The following PIK3C2G variants were observed in gnomAD, a reference collection of about 807,000 sequenced individuals.
PIK3C2G encodes phosphatidylinositol 3-kinase C2 domain-containing subunit gamma.
In PIK3C2G, 168 loss-of-function variants were observed where a neutral mutation model predicts 181.1. The ratio of observed to expected loss-of-function variants is 0.93; its 90% CI spans 0.82 to 1.05. The LOEUF (loss-of-function observed/expected upper bound fraction) is 1.05. Ranked by LOEUF, PIK3C2G falls within the 50% of genes least tolerant of loss-of-function variation. The pLI, the probability that PIK3C2G is intolerant of heterozygous loss-of-function variation, is 0.00. For missense variants in PIK3C2G, 1,869 were observed against 1,732.8 expected (o/e 1.08, Z -1.40); for synonymous variants, 573 against 592.2 (o/e 0.97, Z 0.47).
chr12:18,461,105 T>G (rs1947898204), intron 18 of PIK3C2G, among the ~76,000 whole-genome samples: 2 of 152,068 alleles, frequency 1.3e-5, no homozygotes, highest in Non-Finnish European at 2.9e-5. Context: ...GCGTGGTATT[T>G]TATATATATA....
intron 8 of PIK3C2G, among the ~76,000 whole-genome samples, chr12:18,332,307 C>T (rs78707642): frequency 0.044 from 6,750 of 152,080 alleles, 521 homozygotes; most frequent in African/African-American, 0.15. Context: ...ACTCTCCCAG[C>T]GGTACTCCAC....
At chr12:18,318,338 C>T (rs1466570428) in intron 6 of PIK3C2G, among the ~76,000 whole-genome samples, 2 of 152,060 alleles carry the variant, frequency 1.3e-5, no homozygotes, top group Non-Finnish European at 2.9e-5. Context: ...TATTGATTAA[C>T]TTAATATAAC....
chr12:18,259,886 T>C (rs1193481461), upstream of PIK3C2G, among the ~76,000 whole-genome samples: 1 of 152,104 alleles, frequency 6.6e-6, no homozygotes, highest in East Asian at 1.9e-4. Flanking sequence ...ATTTTAGACA[T>C]AGGACATAGC....
At chr12:18,527,148 T>C (rs1456981490) in intron 24 of PIK3C2G, among the ~76,000 whole-genome samples, 1 of 152,096 alleles carries the variant, frequency 6.6e-6, no homozygotes, top group Non-Finnish European at 1.5e-5. Context: ...AAAGCAAGCA[T>C]AAGATGGAAG....
chr12:18,690,233 GT>G, the PIK3C2G span, among the ~76,000 whole-genome samples: 1 of 152,068 alleles, frequency 6.6e-6, no homozygotes, highest in African/African-American at 2.4e-5. Context: ...TTGTTTGTTT[GT>G]TTCTTTGAGA....
chr12:18,631,431 T>C (rs1949345697), intron 31 of PIK3C2G, among the ~76,000 whole-genome samples: 1 of 152,160 alleles, frequency 6.6e-6, no homozygotes, highest in African/African-American at 2.4e-5. Context: ...GAGTGTTACT[T>C]AATGCTGGGA....
intron 6 of PIK3C2G, chr12:18,320,230 A>G (rs1951046576): frequency 6.6e-6 from 1 of 152,164 alleles, no homozygotes; most frequent in Non-Finnish European, 1.5e-5. Context: ...GAAATAGTGC[A>G]ATTATGTTGA....
chr12:18,454,695 T>G (rs542701180), intron 18 of PIK3C2G, among the ~76,000 whole-genome samples: 6 of 152,220 alleles, frequency 3.9e-5, no homozygotes, highest in Admixed American at 2.6e-4. Flanking sequence ...GCTGAGAAAT[T>G]TTATTGCATT....
intron 24 of PIK3C2G, among the ~76,000 whole-genome samples, chr12:18,516,210 T>C (rs769767600): frequency 1.7e-4 from 26 of 151,680 alleles, no homozygotes; most frequent in Non-Finnish European, 2.9e-4. Flanking sequence ...TCTTTGTCTC[T>C]CCATGATGTT....
chr12:18,491,592 T>C (rs373613848), intron 20 of PIK3C2G, 34 bp downstream of exon 20: 67 of 1,226,668 alleles, frequency 5.5e-5, no homozygotes, highest in Non-Finnish European at 7.4e-5. Flanking sequence ...TAATGGAATA[T>C]TTCTGTTTTG....
intron 12 of PIK3C2G, among the ~76,000 whole-genome samples, chr12:18,365,509 A>C (rs773830661): frequency 1.4e-4 from 21 of 152,276 alleles, no homozygotes; most frequent in Non-Finnish European, 2.2e-4. Flanking sequence ...CTCATCTTAC[A>C]TGACCTATCA....
chr12:18,395,104 ATTCT>A (rs1431878983), intron 15 of PIK3C2G, among the ~76,000 whole-genome samples: 3 of 119,508 alleles, frequency 2.5e-5, no homozygotes, highest in African/African-American at 9.4e-5. Context: ...TCTTTCTTTC[ATTCT>A]TTCTTTCTCT....
chr12:18,621,697 A>G (rs1407567668), intron 31 of PIK3C2G, among the ~76,000 whole-genome samples: 1 of 151,860 alleles, frequency 6.6e-6, no homozygotes. Flanking sequence ...ACAATCATGC[A>G]AAGTGCTAGA....
Position 18,496,066 on chromosome 12 carries a change from G to A in PIK3C2G, c.2798G>A (p.Cys933Tyr). 2 of 1,502,502 alleles carry A rather than the reference G, an allele frequency of 1.3e-6. No individual in the cohort carries two copies. Among genetic ancestry groups the A allele is most frequent in the South Asian group, 1.3e-5 (1 of 78,872 alleles). The allele number at this position is 1,502,502 out of a possible 1,614,324, so 93.1% of individuals were successfully genotyped here. ...LCIKGIDHDA[C>Y]SYFTSNALPL... ...TCCCTTTTTCTTTTCCTATAGGCATGTTCATATTTTACATCTAATGCTTTG... is the reference window on the plus strand; with the variant it reads ...TCCCTTTTTCTTTTCCTATAGGCATATTCATATTTTACATCTAATGCTTTG... The change falls in exon 21 of 33, where the codon TGT becomes TAT. Residue 933 changes from cysteine to tyrosine, a missense_variant. Cys to Tyr is a radical substitution (Grantham distance 194). Coordinates refer to ENST00000538779, the MANE Select transcript of PIK3C2G (RefSeq NM_001288772.2).
At chr12:18,565,940 A>C (rs932360979) in intron 28 of PIK3C2G, among the ~76,000 whole-genome samples, 1 of 152,196 alleles carries the variant, frequency 6.6e-6, no homozygotes, top group Non-Finnish European at 1.5e-5. Context: ...ATATAGATCT[A>C]TCTCTCTACC....
the PIK3C2G span, among the ~76,000 whole-genome samples, chr12:18,709,377 G>A: frequency 5.9e-5 from 9 of 152,086 alleles, no homozygotes; most frequent in Admixed American, 5.9e-4. Flanking sequence ...TGGTCTATAT[G>A]TCTGTTTTTC....
At chr12:18,451,644 T>C (rs959096446) in intron 18 of PIK3C2G, among the ~76,000 whole-genome samples, 1 of 152,200 alleles carries the variant, frequency 6.6e-6, no homozygotes, top group Non-Finnish European at 1.5e-5. Context: ...GGCATCCTTA[T>C]CTTGTGCTGG....
At chr12:18,456,243 G>C (rs1441893595) in intron 18 of PIK3C2G, among the ~76,000 whole-genome samples, 1 of 152,168 alleles carries the variant, frequency 6.6e-6, no homozygotes, top group Non-Finnish European at 1.5e-5. Flanking sequence ...CCTGAGGTTT[G>C]CTGTCTCATG....
At chr12:18,382,579 CAG>C (rs1942914571) in intron 14 of PIK3C2G, among the ~76,000 whole-genome samples, 1 of 152,170 alleles carries the variant, frequency 6.6e-6, no homozygotes, top group African/African-American at 2.4e-5. Flanking sequence ...CCCTCTAGAA[CAG>C]AGTTTTTCAG....
Sources: gnomAD v4.1 joint callset for allele counts (sites outside exome capture counted in the v4.1 genomes callset) on GRCh38, gnomAD v4.1.1 for gene constraint, MANE v1.5 for transcripts, NCBI Gene and HGNC (gene_info 2026-07-23, HGNC 2026-07-21) for gene names.